The following KCNH7 variants were observed in gnomAD, a reference collection of about 807,000 sequenced individuals.
KCNH7 encodes voltage-gated inwardly rectifying potassium channel KCNH7.
Under a neutral mutation model 120.8 loss-of-function variants are expected in KCNH7, and 49 were observed. That is an observed-to-expected ratio of 0.41 (90% CI 0.32 to 0.51). KCNH7 has a LOEUF of 0.51. KCNH7 is among the 20% of genes least tolerant of loss of function. The probability of loss-of-function intolerance (pLI) is 0.38; values close to 1 mark genes in which losing one functional copy is unlikely to be tolerated. For synonymous variants in KCNH7, 547 were observed against 516.1 expected, an observed-to-expected ratio of 1.06 and a Z score of -0.81; for missense variants, 1,097 against 1,446.6, an observed-to-expected ratio of 0.76 and a Z score of 3.92.
chr2:162,740,049 T>C (rs13416294), intron 2 of KCNH7, among the ~76,000 whole-genome samples: 20,975 of 152,092 alleles, frequency 0.14, 1,651 homozygotes, highest in East Asian at 0.34. Context: ...AGGTGTGACA[T>C]GTCAGTACCT....
intron 2 of KCNH7, among the ~76,000 whole-genome samples, chr2:162,659,805 T>C (rs1470199819): frequency 6.6e-6 from 1 of 152,228 alleles, no homozygotes; most frequent in Non-Finnish European, 1.5e-5. Flanking sequence ...CTTCATAGAA[T>C]ATTAGAAGGT....
intron 2 of KCNH7, among the ~76,000 whole-genome samples, chr2:162,675,093 T>C (rs907521337): frequency 1.3e-4 from 19 of 151,386 alleles, no homozygotes; most frequent in Non-Finnish European, 1.5e-4. Flanking sequence ...CCTAATAAAA[T>C]AGGAAAAACG....
chr2:162,669,760 C>T (rs963642618), intron 2 of KCNH7, among the ~76,000 whole-genome samples: 1 of 152,120 alleles, frequency 6.6e-6, no homozygotes, highest in Non-Finnish European at 1.5e-5. Flanking sequence ...AAAGAATTGT[C>T]TCGTCCCAAA....
At chr2:162,828,754 T>C (rs1470644560) in intron 2 of KCNH7, among the ~76,000 whole-genome samples, 1 of 152,176 alleles carries the variant, frequency 6.6e-6, no homozygotes, top group Non-Finnish European at 1.5e-5. Context: ...CGGCAGAGTC[T>C]AGTTTGAGAT....
chr2:162,466,928 G>A (rs965905564), intron 6 of KCNH7, among the ~76,000 whole-genome samples: 2 of 152,140 alleles, frequency 1.3e-5, no homozygotes, highest in African/African-American at 4.8e-5. Context: ...ATGAAGAGAG[G>A]CATCAATGTA....
chr2:162,752,931 AAGAAAAGAAAAGAAAAGAAAAGAAAAG>A (rs1688625455), intron 2 of KCNH7, among the ~76,000 whole-genome samples: 3 of 86,380 alleles, frequency 3.5e-5, no homozygotes, highest in Admixed American at 2.3e-4. Context: ...AAGAAAAGAA[AAGAAAAGAAAAGAAAAGAAAAGAAAAG>A]AAAAGAAAAG....
intron 9 of KCNH7, among the ~76,000 whole-genome samples, chr2:162,421,128 G>A (rs1345712896): frequency 6.6e-5 from 10 of 152,062 alleles, no homozygotes; most frequent in Non-Finnish European, 1.2e-4. Flanking sequence ...CAAACAAGAA[G>A]TCCGTGCAAA....
intron 2 of KCNH7, among the ~76,000 whole-genome samples, chr2:162,710,698 G>C (rs529118988): frequency 2.6e-5 from 4 of 152,260 alleles, no homozygotes; most frequent in Non-Finnish European, 5.9e-5. Context: ...TAAGTATCAA[G>C]GATTCCAGGG....
intron 2 of KCNH7, among the ~76,000 whole-genome samples, chr2:162,828,407 G>C (rs765846752): frequency 1.8e-4 from 28 of 152,220 alleles, no homozygotes; most frequent in African/African-American, 6.7e-4. Flanking sequence ...TAAGTAAGAA[G>C]AGTGTTTTGA....
intron 12 of KCNH7, among the ~76,000 whole-genome samples, chr2:162,389,204 G>A (rs1401309204): frequency 6.6e-6 from 1 of 151,740 alleles, no homozygotes; most frequent in Non-Finnish European, 1.5e-5. Flanking sequence ...GGAGCATATT[G>A]TGATAATCTA....
intron 2 of KCNH7, among the ~76,000 whole-genome samples, chr2:162,643,693 C>G (rs1056732426): frequency 2.0e-5 from 3 of 150,978 alleles, no homozygotes; most frequent in Non-Finnish European, 4.4e-5. Flanking sequence ...GTAGTCCCAG[C>G]TACTTGGGAG....
chr2:162,634,364 T>C (rs903757170), intron 2 of KCNH7, among the ~76,000 whole-genome samples: 4 of 152,016 alleles, frequency 2.6e-5, no homozygotes, highest in African/African-American at 4.8e-5. Context: ...CGTCTTTATA[T>C]CAGCAGCTAG....
chr2:162,704,992 T>A (rs796766008), intron 2 of KCNH7, among the ~76,000 whole-genome samples: 19 of 152,288 alleles, frequency 1.2e-4, no homozygotes, highest in African/African-American at 4.1e-4. Flanking sequence ...CTTTTAGTGA[T>A]CGTTGTCATT....
chr2:162,479,894 T>C (rs1365247158), intron 6 of KCNH7, among the ~76,000 whole-genome samples: 1 of 152,154 alleles, frequency 6.6e-6, no homozygotes, highest in Non-Finnish European at 1.5e-5. Context: ...AGGCTGAACC[T>C]CAAAATAAGA....
intron 2 of KCNH7, among the ~76,000 whole-genome samples, chr2:162,570,453 C>T (rs1693428323): frequency 6.6e-6 from 1 of 151,926 alleles, no homozygotes; most frequent in South Asian, 2.1e-4. Flanking sequence ...TTCCTGAATA[C>T]AGCACACTGA....
chr2:162,812,159 C>G (rs1684752244), intron 2 of KCNH7, among the ~76,000 whole-genome samples: 1 of 151,798 alleles, frequency 6.6e-6, no homozygotes, highest in Non-Finnish European at 1.5e-5. Context: ...AGGGTGCAGA[C>G]TAGAGGTAAT....
intron 2 of KCNH7, among the ~76,000 whole-genome samples, chr2:162,750,279 C>T (rs997211757): frequency 1.3e-5 from 2 of 151,098 alleles, no homozygotes; most frequent in African/African-American, 4.9e-5. Context: ...ACAGAAAGCA[C>T]AGAGAAGGCC....
intron 2 of KCNH7, among the ~76,000 whole-genome samples, chr2:162,778,647 A>T (rs1370337639): frequency 1.5e-5 from 2 of 137,334 alleles, no homozygotes; most frequent in Admixed American, 1.4e-4. Context: ...AATAAATATC[A>T]AAAGTATATT....
At chr2:162,459,745 A>G (rs556459389) in intron 6 of KCNH7, among the ~76,000 whole-genome samples, 10 of 152,274 alleles carry the variant, frequency 6.6e-5, no homozygotes, top group Admixed American at 4.6e-4. Context: ...CATGTGAACC[A>G]GCTCACCCAT....
Sources: gnomAD v4.1 joint callset for allele counts (sites outside exome capture counted in the v4.1 genomes callset) on GRCh38, gnomAD v4.1.1 for gene constraint, MANE v1.5 for transcripts, NCBI Gene and HGNC (gene_info 2026-07-23, HGNC 2026-07-21) for gene names.